The following MAMDC2 variants were observed in gnomAD, a reference collection of about 807,000 sequenced individuals.
MAMDC2 encodes the protein MAM domain-containing protein 2.
In MAMDC2, 57 loss-of-function variants were observed where a neutral mutation model predicts 89.8. The ratio of observed to expected loss-of-function variants is 0.63; its 90% CI spans 0.51 to 0.79. The LOEUF (loss-of-function observed/expected upper bound fraction) is 0.79, where lower values mean the gene tolerates loss of function less well. Ranked by LOEUF, MAMDC2 falls within the 30% of genes least tolerant of loss-of-function variation. The pLI is 0.00. For missense variants in MAMDC2, 800 were observed against 820.6 expected (o/e 0.97, Z 0.31); for synonymous variants, 313 against 293.4 (o/e 1.07, Z -0.68).
chr9:70,166,621 T>A (rs1019300316), intron 9 of MAMDC2, among the ~76,000 whole-genome samples: 1 of 152,186 alleles, frequency 6.6e-6, no homozygotes, highest in Admixed American at 6.5e-5. Context: ...TTCATTTATT[T>A]CTTCTATTTT....
At chr9:70,090,642 A>G (rs976287837) in intron 2 of MAMDC2, 1 of 152,198 alleles carries the variant, frequency 6.6e-6, no homozygotes, top group Non-Finnish European at 1.5e-5. Context: ...GCTCTAATAC[A>G]TTGTTTCTAC....
chr9:70,202,535 A>C (rs1201355252), intron 11 of MAMDC2, among the ~76,000 whole-genome samples: 9 of 150,400 alleles, frequency 6.0e-5, no homozygotes, highest in Non-Finnish European at 1.0e-4. Flanking sequence ...TATTCTGTTG[A>C]TTTGGGGTGG....
At chr9:70,166,272 T>TACACACACACACACACAC (rs551265332) in intron 9 of MAMDC2, among the ~76,000 whole-genome samples, 1 of 49,860 alleles carries the variant, frequency 2.0e-5, no homozygotes, top group Non-Finnish European at 5.1e-5. Flanking sequence ...AATATATATA[T>TACACACACACACACACAC]ATATACACAC....
chr9:70,044,283 C>CG (rs758099794), intron 1 of MAMDC2, 52 bp downstream of exon 1: 6 of 1,587,208 alleles, frequency 3.8e-6, no homozygotes, highest in Non-Finnish European at 5.2e-6. Context: ...GACTCGCCCC[C>CG]GCTCCTGCTG....
At chr9:70,085,778 G>T (rs973351778) in intron 2 of MAMDC2, 2 of 152,022 alleles carry the variant, frequency 1.3e-5, no homozygotes, top group African/African-American at 4.8e-5. Context: ...AAATGATAGA[G>T]ATCAGAAGTT....
intron 2 of MAMDC2, among the ~76,000 whole-genome samples, chr9:70,097,015 T>A (rs1223754268): frequency 6.6e-6 from 1 of 152,134 alleles, no homozygotes; most frequent in Non-Finnish European, 1.5e-5. Context: ...CTGAGTCAAC[T>A]AGGAAGGAAG....
chr9:70,124,419 A>C (rs2030433485), intron 5 of MAMDC2, among the ~76,000 whole-genome samples: 1 of 152,220 alleles, frequency 6.6e-6, no homozygotes, highest in Admixed American at 6.5e-5. Flanking sequence ...TGGCAAAACG[A>C]TAAGGTAAAC....
intron 7 of MAMDC2, among the ~76,000 whole-genome samples, chr9:70,133,231 C>A (rs371529263): frequency 6.6e-6 from 1 of 152,060 alleles, no homozygotes. Context: ...CTAATATCTG[C>A]GCTGGGCAGA....
intron 7 of MAMDC2, among the ~76,000 whole-genome samples, chr9:70,139,495 C>T (rs552392385): frequency 2.6e-5 from 4 of 151,666 alleles, no homozygotes; most frequent in East Asian, 1.9e-4. Context: ...GTATATGTGC[C>T]ACATTTTCTT....
chr9:70,162,376 T>C (rs923025004), intron 9 of MAMDC2, among the ~76,000 whole-genome samples: 6 of 152,270 alleles, frequency 3.9e-5, no homozygotes, highest in Admixed American at 3.9e-4. Context: ...AACTATAACA[T>C]CCTATAAAGT....
intron 11 of MAMDC2, among the ~76,000 whole-genome samples, chr9:70,213,173 C>T (rs967904691): frequency 6.6e-6 from 1 of 152,244 alleles, no homozygotes; most frequent in East Asian, 1.9e-4. Context: ...AAACAAAAGA[C>T]AATTCTTAGG....
chr9:70,188,911 A>G (rs1341677622), intron 11 of MAMDC2, among the ~76,000 whole-genome samples: 1 of 151,836 alleles, frequency 6.6e-6, no homozygotes, highest in Non-Finnish European at 1.5e-5. Flanking sequence ...GCCCTCAATT[A>G]ATAACTTGAC....
chr9:70,089,567 A>G (rs1029751127), intron 2 of MAMDC2, among the ~76,000 whole-genome samples: 3 of 152,146 alleles, frequency 2.0e-5, no homozygotes, highest in Non-Finnish European at 4.4e-5. Context: ...TACAAGATAC[A>G]AGGGGAGGGG....
At chr9:70,106,243 G>C (rs1018186584) in intron 2 of MAMDC2, among the ~76,000 whole-genome samples, 2 of 152,166 alleles carry the variant, frequency 1.3e-5, no homozygotes, top group Non-Finnish European at 2.9e-5. Context: ...AAAAGGGGAG[G>C]CTGGGGAAGT....
At chr9:70,058,751 G>A (rs1323228148) in intron 2 of MAMDC2, among the ~76,000 whole-genome samples, 2 of 152,334 alleles carry the variant, frequency 1.3e-5, no homozygotes, top group East Asian at 3.9e-4. Context: ...GTTCTGATGT[G>A]AGTGACTAAG....
chr9:70,195,491 T>C (rs1462451288), intron 11 of MAMDC2, among the ~76,000 whole-genome samples: 3 of 152,120 alleles, frequency 2.0e-5, no homozygotes, highest in African/African-American at 7.2e-5. Context: ...AAAGCCATGG[T>C]CTGAAAATAT....
intron 11 of MAMDC2, among the ~76,000 whole-genome samples, chr9:70,173,590 T>C (rs2032416386): frequency 6.6e-6 from 1 of 152,192 alleles, no homozygotes. Context: ...CTTGAGAAGG[T>C]TGATAGTTTT....
intron 2 of MAMDC2, among the ~76,000 whole-genome samples, chr9:70,078,465 T>C (rs560800203): frequency 3.3e-5 from 5 of 152,176 alleles, no homozygotes; most frequent in East Asian, 1.9e-4. Flanking sequence ...ATGAGCTCCA[T>C]TGACCTTTGT....
intron 2 of MAMDC2, among the ~76,000 whole-genome samples, chr9:70,077,419 C>G (rs988090965): frequency 6.6e-6 from 1 of 152,176 alleles, no homozygotes; most frequent in African/African-American, 2.4e-5. Context: ...TGTTGGGTAC[C>G]TGGGCTGTTC....
Sources: allele counts gnomAD v4.1 joint callset (sites outside exome capture counted in the v4.1 genomes callset), GRCh38; gene constraint gnomAD v4.1.1; transcripts MANE v1.5; gene names NCBI Gene and HGNC (gene_info 2026-07-23, HGNC 2026-07-21).